The following AMPH variants were observed in gnomAD, a reference collection of about 807,000 sequenced individuals.
AMPH encodes the protein amphiphysin.
A neutral mutation model predicts 99.1 loss-of-function variants in AMPH; 49 were observed. The ratio of observed to expected loss-of-function variants is 0.49; its 90% CI spans 0.39 to 0.63. AMPH has a LOEUF of 0.63. Ranked by LOEUF, AMPH falls within the 20% of genes least tolerant of loss-of-function variation. AMPH has a pLI of 0.00. For missense variants in AMPH, 759 were observed against 863.4 expected (o/e 0.88, Z 1.52); for synonymous variants, 314 against 317.3 (o/e 0.99, Z 0.11).
chr7:38,432,176 A>T lies in AMPH; in HGVS notation c.1158+13T>A. Reference sequence around the variant, plus strand: ...TCAAGATACATGAAAAAACAGAGTTATTAGTGGCTTACCGTCCATAGGTCC... The same window carrying T: ...TCAAGATACATGAAAAAACAGAGTTTTTAGTGGCTTACCGTCCATAGGTCC... On this transcript the variant is annotated intron_variant, in intron 13 of 20. Coordinates refer to ENST00000356264, the MANE Select transcript of AMPH (RefSeq NM_001635.4). The T allele has an allele frequency of 3.1e-6, 5 of 1,610,322 alleles. No individual in the cohort carries two copies. The highest frequency in any genetic ancestry group is 4.3e-6 in the Non-Finnish European group (5 of 1,176,430).
intron 1 of AMPH, among the ~76,000 whole-genome samples, chr7:38,558,913 T>C (rs1333310508): frequency 1.8e-4 from 27 of 152,216 alleles, no homozygotes; most frequent in Admixed American, 1.8e-3. Flanking sequence ...AAGCTTATTT[T>C]GCATTCTTCT....
chr7:38,417,850 G>A lies in AMPH; in HGVS notation c.1373C>T (p.Ala458Val). ...CACTGCCTCCTCCACTGGCTCCTCA[G>A]CCCGAGTGTCCATTCCAAGGTCCAG... ...VGLDLGMDTRAEEPVEEAVII... is the reference protein window; with the variant it reads ...VGLDLGMDTRVEEPVEEAVII... Residue 458 changes from alanine to valine, a missense_variant, in exon 17 of 21, where the codon GCT becomes GTT. Transcript: ENST00000356264. 1 of 1,614,066 alleles carries A rather than the reference G, an allele frequency of 6.2e-7. No homozygotes were observed. Among genetic ancestry groups the A allele is most frequent in the Non-Finnish European group, 8.5e-7 (1 of 1,179,950 alleles).
intron 2 of AMPH, among the ~76,000 whole-genome samples, chr7:38,533,888 C>T (rs1055837820): frequency 3.3e-5 from 5 of 152,172 alleles, no homozygotes; most frequent in African/African-American, 1.2e-4. Flanking sequence ...CTTCCCCTCC[C>T]CAGCCCTTAC....
chr7:38,531,335 C>A (rs1312444166), intron 2 of AMPH: 3 of 152,272 alleles, frequency 2.0e-5, no homozygotes, highest in African/African-American at 4.8e-5. Context: ...ACCATGGCAC[C>A]AGGCTCTCCT....
chr7:38,459,295 T>C (rs1307117962), intron 11 of AMPH, among the ~76,000 whole-genome samples: 1 of 152,090 alleles, frequency 6.6e-6, no homozygotes, highest in Non-Finnish European at 1.5e-5. Context: ...ACAGATACAA[T>C]GCAACGCCTA....
At chr7:38,464,089 C>G (rs1418090046) in intron 9 of AMPH, 1 of 1,289,644 alleles carries the variant, frequency 7.8e-7, no homozygotes, top group Non-Finnish European at 1.0e-6. Flanking sequence ...GCTCACTCAC[C>G]ACCTCATTCT....
chr7:38,418,027 T>C, intron 16 of AMPH, 77 bp from the exon 17 acceptor site: 2 of 1,473,712 alleles, frequency 1.4e-6, no homozygotes, highest in Non-Finnish European at 1.8e-6. Context: ...TACTGGACAA[T>C]TAAGATTTTC....
chr7:38,441,788 G>GATAGATATCATATATCTA (rs59247929), intron 11 of AMPH, among the ~76,000 whole-genome samples: 3 of 55,586 alleles, frequency 5.4e-5, no homozygotes, highest in African/African-American at 1.3e-4. Flanking sequence ...TCATATATCT[G>GATAGATATCATATATCTA]TCATATATAT....
At chr7:38,488,181 C>T (rs1234063354) in intron 5 of AMPH, among the ~76,000 whole-genome samples, 1 of 152,060 alleles carries the variant, frequency 6.6e-6, no homozygotes, top group Non-Finnish European at 1.5e-5. Flanking sequence ...TGGGTATATA[C>T]CCAAAGGATT....
At chr7:38,616,470 C>A (rs1025331609) in intron 1 of AMPH, among the ~76,000 whole-genome samples, 1 of 152,158 alleles carries the variant, frequency 6.6e-6, no homozygotes, top group Non-Finnish European at 1.5e-5. Context: ...CCTAATGAAT[C>A]ATTCATTCCA....
intron 11 of AMPH, among the ~76,000 whole-genome samples, chr7:38,451,365 T>C (rs1481563060): frequency 6.7e-6 from 1 of 149,920 alleles, no homozygotes; most frequent in African/African-American, 2.5e-5. Flanking sequence ...TACACGTATA[T>C]ATATGTGTAT....
At chr7:38,534,276 T>C (rs1247499726) in intron 2 of AMPH, among the ~76,000 whole-genome samples, 12 of 152,160 alleles carry the variant, frequency 7.9e-5, no homozygotes, top group Admixed American at 5.9e-4. Flanking sequence ...ATGCAACAAT[T>C]AAGGTCATTT....
chr7:38,464,206 T>C (rs1584125723), intron 9 of AMPH: 4 of 1,123,802 alleles, frequency 3.6e-6, no homozygotes, highest in East Asian at 1.2e-4. Context: ...TCAGATGAAT[T>C]TGTCCCTTTC....
intron 11 of AMPH, among the ~76,000 whole-genome samples, chr7:38,449,200 G>A (rs962936753): frequency 6.6e-6 from 1 of 152,244 alleles, no homozygotes; most frequent in Middle Eastern, 3.4e-3. Flanking sequence ...ACGAGTTCTA[G>A]AGAACCTGCA....
At chr7:38,529,226 C>T (rs1374870624) in intron 2 of AMPH, among the ~76,000 whole-genome samples, 1 of 152,144 alleles carries the variant, frequency 6.6e-6, no homozygotes, top group African/African-American at 2.4e-5. Context: ...AGAACATGAC[C>T]ACCAAATCTT....
chr7:38,477,595 G>A (rs76961159), intron 5 of AMPH, among the ~76,000 whole-genome samples: 14,725 of 152,250 alleles, frequency 0.097, 955 homozygotes, highest in Middle Eastern at 0.2. Context: ...CTGAGAACAA[G>A]ACATTCCCTT....
chr7:38,485,332 C>T (rs943455338), intron 5 of AMPH, among the ~76,000 whole-genome samples: 1 of 151,880 alleles, frequency 6.6e-6, no homozygotes, highest in Admixed American at 6.6e-5. Flanking sequence ...GATGGCTGTC[C>T]TTATCAGACA....
At chr7:38,571,827 T>A (rs917555236) in intron 1 of AMPH, among the ~76,000 whole-genome samples, 8 of 151,924 alleles carry the variant, frequency 5.3e-5, no homozygotes, top group Non-Finnish European at 1.2e-4. Context: ...TCACATTCAC[T>A]CACCACTCAC....
At position 38,610,367 on chromosome 7, in the gene AMPH, AGAAAAGAAAGGAAAG is replaced by A. The variant is rs1562860700; in HGVS notation, c.69+20901_69+20915del. Reference sequence around the variant, plus strand: ...AGAAAAGAAAAGAAAAGAAAAGAAAAGAAAAGAAAGGAAAGGAAAAGAAAAGAAAAGAAAAGAAAA... The same window carrying A: ...AGAAAAGAAAAGAAAAGAAAAGAAAAGAAAAGAAAAGAAAAGAAAAGAAAA... On this transcript the variant is annotated intron_variant, in intron 1 of 20. Transcript: ENST00000356264. 1.4e-3 allele frequency among the ~76,000 whole-genome samples: 72 copies of A among 50,112 alleles called. 16 individuals are homozygous for A. The highest frequency in any genetic ancestry group is 3.0e-3 in the African/African-American group (30 of 9,896). The allele number at this position is 50,112 out of a possible 152,430, so 32.9% of individuals were successfully genotyped here.
Sources: gnomAD v4.1 joint callset for allele counts (sites outside exome capture counted in the v4.1 genomes callset) on GRCh38, gnomAD v4.1.1 for gene constraint, MANE v1.5 for transcripts, NCBI Gene and HGNC (gene_info 2026-07-23, HGNC 2026-07-21) for gene names.